Variants in PPFIA2 observed in about 807,000 individuals in gnomAD.
PPFIA2 encodes liprin-alpha-2.
PPFIA2 carries 46 observed loss-of-function variants against 175.5 expected under a neutral mutation model. The ratio of observed to expected loss-of-function variants is 0.26; its 90% confidence interval spans 0.21 to 0.34. PPFIA2 has a LOEUF of 0.34. PPFIA2 is among the 10% of genes least tolerant of loss of function. The pLI is 1.00. For synonymous variants in PPFIA2, 568 were observed against 511.4 expected (o/e 1.11, Z -1.49); for missense variants, 1,179 against 1,506.1 (o/e 0.78, Z 3.60).
chr12:81,298,606 C>T (rs997602469), intron 23 of PPFIA2, among the ~76,000 whole-genome samples: 4 of 152,320 alleles, frequency 2.6e-5, no homozygotes, highest in South Asian at 4.1e-4. Context: ...GGGCAGTGAA[C>T]AGTACTGTTA....
intron 4 of PPFIA2, among the ~76,000 whole-genome samples, chr12:81,593,047 C>G (rs1871342671): frequency 6.6e-6 from 1 of 152,124 alleles, no homozygotes; most frequent in South Asian, 2.1e-4. Flanking sequence ...CATGAGCCAC[C>G]ATGCCCAGCT....
chr12:81,549,656 C>T (rs1594815014), intron 4 of PPFIA2, among the ~76,000 whole-genome samples: 2 of 152,030 alleles, frequency 1.3e-5, no homozygotes, highest in African/African-American at 4.8e-5. Context: ...ACATCACTCA[C>T]ATAAGGCTTT....
intron 3 of PPFIA2, among the ~76,000 whole-genome samples, chr12:81,752,591 T>C (rs1027478731): frequency 1.3e-5 from 2 of 152,214 alleles, no homozygotes; most frequent in African/African-American, 4.8e-5. Flanking sequence ...ATGGCAGTTA[T>C]TCACACAGGG....
At chr12:81,548,086 C>A (rs1022348468) in intron 4 of PPFIA2, among the ~76,000 whole-genome samples, 1 of 152,086 alleles carries the variant, frequency 6.6e-6, no homozygotes, top group African/African-American at 2.4e-5. Flanking sequence ...TACTATATAT[C>A]GTAATTTCCA....
At chr12:81,586,007 A>G (rs146655289) in intron 4 of PPFIA2, among the ~76,000 whole-genome samples, 2,225 of 151,902 alleles carry the variant, frequency 0.015, 46 homozygotes, top group East Asian at 0.043. Flanking sequence ...TGTGATAGAA[A>G]TTTTTCAGTT....
At chr12:81,677,502 A>G (rs925370744) in intron 3 of PPFIA2, among the ~76,000 whole-genome samples, 4 of 151,842 alleles carry the variant, frequency 2.6e-5, no homozygotes, top group Admixed American at 2.0e-4. Context: ...CCACCTCCCA[A>G]CTAGCCTTCC....
intron 4 of PPFIA2, among the ~76,000 whole-genome samples, chr12:81,673,760 C>A (rs2071903099): frequency 6.6e-6 from 1 of 151,910 alleles, no homozygotes; most frequent in Non-Finnish European, 1.5e-5. Flanking sequence ...GAAAAATCTG[C>A]AAGTTGTGTT....
At chr12:81,714,308 T>G (rs1310232607) in intron 3 of PPFIA2, among the ~76,000 whole-genome samples, 2 of 151,006 alleles carry the variant, frequency 1.3e-5, no homozygotes, top group African/African-American at 4.8e-5. Flanking sequence ...GAAAGAAAAT[T>G]AAATCTAGGA....
chr12:81,706,587 A>G (rs1452820494), intron 3 of PPFIA2, among the ~76,000 whole-genome samples: 9 of 152,208 alleles, frequency 5.9e-5, no homozygotes, highest in Non-Finnish European at 1.0e-4. Context: ...CTAAATAAAC[A>G]TCAGGTAGAA....
chr12:81,590,969 GTTGGAACAGT>G (rs1255145489), intron 4 of PPFIA2, among the ~76,000 whole-genome samples: 1 of 152,176 alleles, frequency 6.6e-6, no homozygotes, highest in Non-Finnish European at 1.5e-5. Context: ...ACTGGCAGAG[GTTGGAACAGT>G]TTGGAGGGCT....
At chr12:81,336,344 A>C (rs114241159) in intron 21 of PPFIA2, among the ~76,000 whole-genome samples, 5,709 of 152,280 alleles carry the variant, frequency 0.037, 143 homozygotes, top group Non-Finnish European at 0.06. Flanking sequence ...GATATTGTCT[A>C]TGCTAGTAAT....
rs2037451585 is a variant in PPFIA2 at position 81,267,015 on chromosome 12, C to T, written c.3492G>A (p.Arg1164=). 1.2e-6 allele frequency: 2 copies of T among 1,612,294 alleles called. No individual in the cohort carries two copies. The highest frequency in any genetic ancestry group is 2.2e-5 in the East Asian group (1 of 44,786). ...LQIPTQNTQA[R]QILEREYNNL... is the part of the protein sequence containing the mutation. ...TATTGTATTCTCTTTCAAGAATCTG[C>T]CTTGCCTGTTGACGTCAAATTACAG... Residue 1164 remains arginine (R), a synonymous_variant, in exon 30 of 33, where the codon AGG becomes AGA. Transcript: ENST00000549396.
At chr12:81,708,643 A>G (rs914103171) in intron 3 of PPFIA2, among the ~76,000 whole-genome samples, 12 of 152,212 alleles carry the variant, frequency 7.9e-5, no homozygotes, top group African/African-American at 2.9e-4. Flanking sequence ...CTCTGTTAAT[A>G]TAAGAGACTC....
At chr12:81,699,199 G>C (rs2076226683) in intron 3 of PPFIA2, among the ~76,000 whole-genome samples, 1 of 152,026 alleles carries the variant, frequency 6.6e-6, no homozygotes, top group Non-Finnish European at 1.5e-5. Flanking sequence ...TCAAACATTA[G>C]TAAAAGATAA....
At chr12:81,759,031 C>G (rs962102931) in intron 1 of PPFIA2, among the ~76,000 whole-genome samples, 1 of 152,070 alleles carries the variant, frequency 6.6e-6, no homozygotes, top group Non-Finnish European at 1.5e-5. Context: ...GAAAACGAGT[C>G]CCTAGGGATG....
rs1340986342 is a variant in PPFIA2 at position 81,358,228 on chromosome 12, G to A, written c.1638-11C>T. ...GTGTCTAGATGAGTTCTGGAAAAAA[G>A]GAAAAATATAAAATAATCCAATCTC... On this transcript the variant is annotated splice_polypyrimidine_tract_variant and intron_variant, in intron 15 of 32. Coordinates refer to ENST00000549396, the MANE Select transcript of PPFIA2 (RefSeq NM_003625.5). 1.9e-6 allele frequency: 3 copies of A among 1,557,312 alleles called. No homozygotes were observed. The highest frequency in any genetic ancestry group is 1.2e-5 in the South Asian group (1 of 83,422).
At chr12:81,688,882 CG>C (rs554603331) in intron 3 of PPFIA2, among the ~76,000 whole-genome samples, 18 of 146,970 alleles carry the variant, frequency 1.2e-4, no homozygotes, top group Non-Finnish European at 2.1e-4. Context: ...TTTATTTAAC[CG>C]TATCTCTCCC....
chr12:81,363,420 C>T (rs1002521594), intron 14 of PPFIA2, among the ~76,000 whole-genome samples: 11 of 151,450 alleles, frequency 7.3e-5, no homozygotes, highest in Non-Finnish European at 1.5e-4. Context: ...TTATAATTTT[C>T]TCAAATTGGC....
At chr12:81,677,295 A>T (rs1316332382) in intron 3 of PPFIA2, among the ~76,000 whole-genome samples, 2 of 151,916 alleles carry the variant, frequency 1.3e-5, no homozygotes, top group African/African-American at 4.8e-5. Context: ...GATGTGTAAT[A>T]ATCAAATTTA....
Sources: allele counts gnomAD v4.1 joint callset (sites outside exome capture counted in the v4.1 genomes callset), GRCh38; gene constraint gnomAD v4.1.1; transcripts MANE v1.5; gene names NCBI Gene and HGNC (gene_info 2026-07-23, HGNC 2026-07-21).